CD47: variants seen among roughly 807,000 people sequenced by gnomAD.
CD47 encodes the protein CD47 molecule, also known as leukocyte surface antigen CD47.
Under a neutral mutation model 44.6 loss-of-function variants are expected in CD47, and 11 were observed. That is an observed-to-expected ratio of 0.25 (90% CI 0.16 to 0.41). The LOEUF (loss-of-function observed/expected upper bound fraction) is 0.41. CD47 is among the 10% of genes least tolerant of loss of function. The pLI, the probability that CD47 is intolerant of heterozygous loss-of-function variation, is 1.00. For missense variants in CD47, 306 were observed against 386.7 expected (o/e 0.79, Z 1.75); for synonymous variants, 140 against 136.3 (o/e 1.03, Z -0.19).
intron 2 of CD47, among the ~76,000 whole-genome samples, chr3:108,079,094 G>C (rs2079365154): frequency 2.0e-5 from 3 of 152,006 alleles, no homozygotes; most frequent in Non-Finnish European, 4.4e-5. Context: ...TTTTATAAAA[G>C]CTAGGCAAAT....
chr3:108,083,400 A>T (rs2079454492), intron 1 of CD47, among the ~76,000 whole-genome samples: 1 of 152,078 alleles, frequency 6.6e-6, no homozygotes. Flanking sequence ...TTCAGGTTAG[A>T]AATTTTAAAA....
intron 2 of CD47, among the ~76,000 whole-genome samples, chr3:108,075,293 A>C (rs17827795): frequency 0.39 from 59,241 of 151,928 alleles, 12,149 homozygotes; most frequent in Non-Finnish European, 0.46. Context: ...ATAAGTGTTT[A>C]ATTTTTGCTT....
chr3:108,083,527 C>T (rs574475105), intron 1 of CD47, among the ~76,000 whole-genome samples: 3 of 152,004 alleles, frequency 2.0e-5, no homozygotes, highest in South Asian at 2.1e-4. Flanking sequence ...CTCAAATGGG[C>T]GATGATAAGT....
intron 3 of CD47, 102 bp from the exon 4 acceptor site, chr3:108,060,954 T>C (rs1360426835): frequency 8.4e-6 from 6 of 711,068 alleles, no homozygotes; most frequent in Non-Finnish European, 1.4e-5. Context: ...TACTATAATG[T>C]AATAACTTAT....
chr3:108,068,272 T>C (rs1229119430), intron 3 of CD47, among the ~76,000 whole-genome samples: 2 of 152,190 alleles, frequency 1.3e-5, no homozygotes. Context: ...GATCCATGAC[T>C]ATCTCAAAGA....
chr3:108,083,532 A>G (rs112693429), intron 1 of CD47, among the ~76,000 whole-genome samples: 1,543 of 152,206 alleles, frequency 0.01, 17 homozygotes, highest in African/African-American at 0.035. Flanking sequence ...ATGGGCGATG[A>G]TAAGTATATA....
intron 2 of CD47, among the ~76,000 whole-genome samples, chr3:108,077,506 C>CAT: frequency 6.6e-6 from 1 of 152,164 alleles, no homozygotes; most frequent in Middle Eastern, 3.4e-3. Context: ...AAAAACTAAG[C>CAT]ATATACTTAC....
rs2078701157 is a variant in CD47 at position 108,045,045 on chromosome 3, T to C, written c.*2243A>G. The C allele has an allele frequency of 6.6e-6, 1 of 152,606 alleles. No homozygotes were observed. Among genetic ancestry groups the C allele is most frequent in the South Asian group, 2.1e-4 (1 of 4,820 alleles). 9.5% of individuals were successfully genotyped at this position (152,606 alleles called of 1,614,324 possible). A position where few individuals can be genotyped will look rare whatever the true frequency, so the allele number is the denominator to read the frequency against. On this transcript the variant is annotated 3_prime_UTR_variant, in exon 11 of 11. Coordinates refer to ENST00000361309, the MANE Select transcript of CD47 (RefSeq NM_001777.4). ...ATGCCCAAGCAGGAGGACTCCTGCT[T>C]CTGTGGTCACTTATCCAGAGAAGCT... is the stretch of plus-strand genomic sequence containing the variant.
intron 1 of CD47, among the ~76,000 whole-genome samples, chr3:108,089,220 T>A (rs527405962): frequency 2.0e-5 from 3 of 152,310 alleles, no homozygotes; most frequent in East Asian, 3.9e-4. Flanking sequence ...GCTTTTTTTT[T>A]AGGTTAATAT....
rs55708779 is a variant in CD47 at position 108,049,094 on chromosome 3, ATCTC to A, written c.967+521_967+524del. Among the ~76,000 whole-genome samples the A allele has an allele frequency of 6.8e-3, 879 of 129,330 alleles. 14 individuals are homozygous for A. Among genetic ancestry groups the A allele is most frequent in the South Asian group, 0.035 (124 of 3,526 alleles). The allele number at this position is 129,330 out of a possible 152,430, so 84.8% of individuals were successfully genotyped here. On this transcript the variant is annotated intron_variant, in intron 10 of 10. Transcript: ENST00000361309. ...TGGAAGCAAAAGCTGAGGACGAAAC[ATCTC>A]TCTCTCTCTCTCTCTCTCTCTCTCT...
At chr3:108,089,854 G>A (rs150573729) in intron 1 of CD47, among the ~76,000 whole-genome samples, 228 of 152,254 alleles carry the variant, frequency 1.5e-3, no homozygotes, top group African/African-American at 5.1e-3. Flanking sequence ...GCTGAATTCT[G>A]AATCTTATAA....
Position 108,047,091 on chromosome 3 carries a change from A to AT in CD47, c.*196dup, listed in dbSNP as rs1406507205. On this transcript the variant is annotated 3_prime_UTR_variant, in exon 11 of 11. Transcript: ENST00000361309. ...TGGGCAAACAACATAGATCATAATT[A>AT]TTTTATTAACTAAATTACAGCTGCT... 6.7e-6 allele frequency: 3 copies of AT among 448,890 alleles called. No individual in the cohort carries two copies. The East Asian group carries it at 1.0e-4, about 15-fold the overall frequency. 27.8% of individuals were successfully genotyped at this position (448,890 alleles called of 1,614,324 possible). A position where few individuals can be genotyped will look rare whatever the true frequency, so the allele number is the denominator to read the frequency against.
chr3:108,052,113 G>A (rs1051646036), intron 7 of CD47, 143 bp from the exon 8 acceptor site: 35 of 533,278 alleles, frequency 6.6e-5, no homozygotes, highest in African/African-American at 6.5e-4. Context: ...AGCTCTGACA[G>A]TCTATTCAAA....
chr3:108,090,289 A>G (rs1270055961), intron 1 of CD47, among the ~76,000 whole-genome samples: 4 of 152,214 alleles, frequency 2.6e-5, no homozygotes, highest in Non-Finnish European at 4.4e-5. Context: ...TTCTGATTGA[A>G]TGCTGAGTTG....
chr3:108,068,687 C>T (rs1375309792), intron 3 of CD47, among the ~76,000 whole-genome samples: 1 of 152,140 alleles, frequency 6.6e-6, no homozygotes, highest in East Asian at 1.9e-4. Context: ...ACGGGAATAA[C>T]AACAGTGTCT....
Position 108,043,182 on chromosome 3 carries a change from A to G in CD47, c.*4106T>C, listed in dbSNP as rs561106328. 6.5e-6 allele frequency: 1 copy of G among 152,762 alleles called. No homozygotes were observed. The highest frequency in any genetic ancestry group is 2.1e-4 in the South Asian group (1 of 4,832). The allele number at this position is 152,762 out of a possible 1,614,324, so 9.5% of individuals were successfully genotyped here. ...AAAAAATTCATAATTAATATTTTAA[A>G]TCATTCTTTACATTGTTACCTAGAA... On this transcript the variant is annotated 3_prime_UTR_variant, in exon 11 of 11. Coordinates refer to ENST00000361309, the MANE Select transcript of CD47 (RefSeq NM_001777.4).
intron 7 of CD47, among the ~76,000 whole-genome samples, chr3:108,056,217 G>T (rs1193808604): frequency 6.6e-6 from 1 of 152,180 alleles, no homozygotes; most frequent in East Asian, 1.9e-4. Flanking sequence ...ATTCCATTCT[G>T]CTTTAGATGT....
Position 108,071,145 on chromosome 3 carries a change from A to G in CD47, c.438T>C (p.Val146=), listed in dbSNP as rs1407336851. ...GGAGTATAGCAAAAATTGGGAAAAT[A>G]ACAATAAGAATATTTTCATTTGGAG... ...WFSPNENILI[V]IFPIFAILLF... is the part of the protein sequence containing the mutation. The change falls in exon 3 of 11, where the codon GTT becomes GTC. Residue 146 remains valine (V), a synonymous_variant. Transcript: ENST00000361309. The G allele has an allele frequency of 2.0e-6, 3 of 1,503,850 alleles. No individual in the cohort carries two copies. Among genetic ancestry groups the G allele is most frequent in the Non-Finnish European group, 2.7e-6 (3 of 1,097,530 alleles). 93.2% of individuals were successfully genotyped at this position (1,503,850 alleles called of 1,614,324 possible). A position where few individuals can be genotyped will look rare whatever the true frequency, so the allele number is the denominator to read the frequency against.
intron 3 of CD47, among the ~76,000 whole-genome samples, chr3:108,067,338 G>A (rs370415729): frequency 1.6e-4 from 24 of 152,294 alleles, no homozygotes; most frequent in African/African-American, 5.8e-4. Flanking sequence ...ATGGTCTTGC[G>A]GTTTTGTGCG....
Sources: allele counts gnomAD v4.1 joint callset (sites outside exome capture counted in the v4.1 genomes callset), GRCh38; gene constraint gnomAD v4.1.1; transcripts MANE v1.5; gene names NCBI Gene and HGNC (gene_info 2026-07-23, HGNC 2026-07-21).